The following SLC11A2 variants were observed in gnomAD, a reference collection of about 807,000 sequenced individuals.
SLC11A2 encodes natural resistance-associated macrophage protein 2.
In SLC11A2, 38 loss-of-function variants were observed where a neutral mutation model predicts 68.0. That is an observed-to-expected ratio of 0.56 (90% CI 0.43 to 0.73). SLC11A2 has a LOEUF of 0.73. Ranked by LOEUF, SLC11A2 falls within the 30% of genes least tolerant of loss-of-function variation. The pLI, the probability that SLC11A2 is intolerant of heterozygous loss-of-function variation, is 0.00. For synonymous variants in SLC11A2, 242 were observed against 250.6 expected, an observed-to-expected ratio of 0.97 and a Z score of 0.32; for missense variants, 517 against 690.5, an observed-to-expected ratio of 0.75 and a Z score of 2.82.
chr12:50,965,265 C>A, the SLC11A2 span, among the ~76,000 whole-genome samples: 10 of 151,658 alleles, frequency 6.6e-5, no homozygotes, highest in African/African-American at 1.5e-4. Flanking sequence ...ACGTGTGCAC[C>A]ACCATGCCTG....
chr12:51,008,575 G>T lies in SLC11A2; in HGVS notation c.84C>A (p.Asn28Lys), dbSNP rs766231014. Residue 28 changes from asparagine to lysine, a missense_variant, in exon 3 of 16, where the codon AAC (asparagine) becomes AAA (lysine). Transcript: ENST00000262052. ...AAAGAGAGGGATTACTATAGGCAGG[G>T]TTGATGTTACCAAGACTGGCAGACT... ...HGESASLGNI[N>K]PAYSNPSLSQ... 1 of 1,612,380 alleles carries T rather than the reference G, an allele frequency of 6.2e-7. No homozygotes were observed. The highest frequency in any genetic ancestry group is 8.5e-7 in the Non-Finnish European group (1 of 1,178,516).
At chr12:50,979,298 ACG>A (rs1487101007), downstream of SLC11A2, 3 of 152,588 alleles carry the variant, frequency 2.0e-5, no homozygotes, top group Non-Finnish European at 4.4e-5. Context: ...TGTGACCTGA[ACG>A]GTACACTTGT....
chr12:51,018,911 G>T (rs1306364275), intron 1 of SLC11A2, among the ~76,000 whole-genome samples: 1 of 152,164 alleles, frequency 6.6e-6, no homozygotes, highest in East Asian at 1.9e-4. Flanking sequence ...TGTAGGTTTA[G>T]AGAGGAATGT....
At chr12:50,971,404 T>C in the SLC11A2 span, among the ~76,000 whole-genome samples, 1 of 152,226 alleles carries the variant, frequency 6.6e-6, no homozygotes, top group Non-Finnish European at 1.5e-5. Context: ...AACATTTAAT[T>C]ATTTGTTTAT....
the SLC11A2 span, among the ~76,000 whole-genome samples, chr12:50,963,449 G>C: frequency 6.6e-6 from 1 of 151,582 alleles, no homozygotes; most frequent in South Asian, 2.1e-4. Context: ...GCAAAGATGA[G>C]CTAGAACAAT....
intron 12 of SLC11A2, 30 bp from the exon 13 acceptor site, chr12:50,992,369 T>TCTGCAC: frequency 6.2e-7 from 1 of 1,612,160 alleles, no homozygotes. Context: ...CAGATGACTG[T>TCTGCAC]CTGCAACAGG....
intron 1 of SLC11A2, among the ~76,000 whole-genome samples, chr12:51,023,835 A>AT: frequency 6.6e-6 from 1 of 152,246 alleles, no homozygotes; most frequent in South Asian, 2.1e-4. Flanking sequence ...CCACAAAAAA[A>AT]TTTTTAAAAA....
chr12:50,953,575 G>A, the SLC11A2 span, among the ~76,000 whole-genome samples: 1 of 152,070 alleles, frequency 6.6e-6, no homozygotes, highest in African/African-American at 2.4e-5. Context: ...CTGTAAATCT[G>A]GAAGTATTTT....
chr12:51,000,417 G>A lies in SLC11A2; in HGVS notation c.432C>T (p.Val144=). ...AEVCHRQYPK[V]PRVILWLMVE... Reference sequence around the variant, plus strand: ...CCATCAGCCACAGGATGACTCGTGGGACCTAAACATCAAACAGTAGAAAGA... The same window carrying A: ...CCATCAGCCACAGGATGACTCGTGGAACCTAAACATCAAACAGTAGAAAGA... Residue 144 remains valine, a splice_region_variant and synonymous_variant, in exon 6 of 16, where the codon GTC becomes GTT. Coordinates refer to ENST00000262052, the MANE Select transcript of SLC11A2 (RefSeq NM_000617.3). 6.2e-7 allele frequency: 1 copy of A among 1,608,204 alleles called. No homozygotes were observed.
At chr12:51,027,715 A>C (rs1944445776), upstream of SLC11A2, among the ~76,000 whole-genome samples, 3 of 152,058 alleles carry the variant, frequency 2.0e-5, no homozygotes, top group African/African-American at 4.8e-5. Context: ...AAAACATTAG[A>C]TCCTCCCGCC....
downstream of SLC11A2, among the ~76,000 whole-genome samples, chr12:50,985,299 A>C (rs535147895): frequency 6.6e-4 from 101 of 152,304 alleles, no homozygotes; most frequent in South Asian, 3.5e-3. Flanking sequence ...CTGAAATTAA[A>C]TCCAAAGTAA....
intron 13 of SLC11A2, 109 bp downstream of exon 13, chr12:50,992,079 CCT>C (rs1037956958): frequency 9.6e-7 from 1 of 1,041,264 alleles, no homozygotes; most frequent in African/African-American, 1.6e-5. Context: ...CACAACCATG[CCT>C]CTGTCTTCCT....
the SLC11A2 span, among the ~76,000 whole-genome samples, chr12:50,969,371 A>G: frequency 6.6e-6 from 1 of 152,080 alleles, no homozygotes; most frequent in South Asian, 2.1e-4. Context: ...TAAATCTGGA[A>G]AGTTTGGAGA....
At position 50,992,382 on chromosome 12, in the gene SLC11A2, A is replaced by G. The variant is rs757003578; in HGVS notation, c.1198-43T>C. The G allele has an allele frequency of 2.5e-6, 4 of 1,608,400 alleles. No homozygotes were observed. In the Admixed American group the frequency reaches 6.7e-5, roughly 27 times the overall value. On this transcript the variant is annotated intron_variant, in intron 12 of 15. Transcript: ENST00000262052. ...AGCAGATGACTGTCTGCAACAGGAA[A>G]CAAAAAAAAGTTTTGGGGAGGTTCA...
intron 6 of SLC11A2, among the ~76,000 whole-genome samples, chr12:50,999,984 G>A (rs1263631122): frequency 6.6e-6 from 1 of 151,930 alleles, no homozygotes; most frequent in Non-Finnish European, 1.5e-5. Context: ...CTCCAGCCTG[G>A]GTGACGGAGA....
intron 15 of SLC11A2, among the ~76,000 whole-genome samples, chr12:50,989,773 A>G (rs1205080262): frequency 6.6e-6 from 1 of 152,174 alleles, no homozygotes; most frequent in African/African-American, 2.4e-5. Context: ...TACTGAAGTG[A>G]TTTTCTTAAT....
chr12:50,958,658 A>T, the SLC11A2 span, among the ~76,000 whole-genome samples: 1 of 152,112 alleles, frequency 6.6e-6, no homozygotes, highest in Middle Eastern at 3.2e-3. Flanking sequence ...ATATTGCTAC[A>T]GTAATCAACA....
chr12:50,976,090 T>C (rs1200288251), downstream of SLC11A2, among the ~76,000 whole-genome samples: 1 of 151,122 alleles, frequency 6.6e-6, no homozygotes, highest in Admixed American at 6.6e-5. Context: ...CCATTCCTTC[T>C]GAAACTATTC....
chr12:51,009,056 A>G (rs992080006), intron 2 of SLC11A2: 2 of 973,974 alleles, frequency 2.1e-6, no homozygotes, highest in African/African-American at 3.2e-5. Context: ...CTTTTAAAAG[A>G]AAAGAACTAG....
Sources: gnomAD v4.1 joint callset for allele counts (sites outside exome capture counted in the v4.1 genomes callset) on GRCh38, gnomAD v4.1.1 for gene constraint, MANE v1.5 for transcripts, NCBI Gene and HGNC (gene_info 2026-07-23, HGNC 2026-07-21) for gene names.